NISCH: variants seen among roughly 807,000 people sequenced by gnomAD.
The protein encoded by NISCH is I-1 receptor candidate protein.
NISCH carries 55 observed loss-of-function variants against 138.4 expected under a neutral mutation model. That is an observed-to-expected ratio of 0.40 (90% CI 0.32 to 0.50). NISCH has a LOEUF of 0.50. Ranked by LOEUF, NISCH falls within the 20% of genes least tolerant of loss-of-function variation. The pLI, the probability that NISCH is intolerant of heterozygous loss-of-function variation, is 0.71. For missense variants in NISCH, 1,643 were observed against 2,005.5 expected (o/e 0.82, Z 3.45); for synonymous variants, 860 against 861.5 (o/e 1.00, Z 0.03).
intron 13 of NISCH, chr3:52,481,379 A>T: frequency 1.0e-6 from 1 of 988,448 alleles, no homozygotes; most frequent in Non-Finnish European, 1.2e-6. Flanking sequence ...AGAATTCCTG[A>T]GCGTGGAGCG....
chr3:52,472,168 A>T (rs1208489462), intron 5 of NISCH, 135 bp from the exon 6 acceptor site: 3 of 996,714 alleles, frequency 3.0e-6, no homozygotes, highest in Non-Finnish European at 4.6e-6. Flanking sequence ...GTGTCCCGTT[A>T]AATTAAGTCC....
At chr3:52,491,251 C>G in intron 19 of NISCH, 101 bp from the exon 20 acceptor site, 1 of 1,488,840 alleles carries the variant, frequency 6.7e-7, no homozygotes. Flanking sequence ...TGGCCCTGGC[C>G]TCTGGGCTGA....
At chr3:52,462,792 A>T (rs893602197) in intron 3 of NISCH, among the ~76,000 whole-genome samples, 1 of 151,708 alleles carries the variant, frequency 6.6e-6, no homozygotes, top group African/African-American at 2.4e-5. Context: ...GCCCGCCACC[A>T]CACCCAGCTA....
At chr3:52,488,754 A>G (rs1255747903) in intron 16 of NISCH, 149 bp downstream of exon 16, 1 of 587,496 alleles carries the variant, frequency 1.7e-6, no homozygotes, top group Non-Finnish European at 2.7e-6. Flanking sequence ...GCCTCCCTCT[A>G]CATCACCACC....
chr3:52,490,593 G>A (rs1707536406), intron 18 of NISCH, 112 bp from the exon 19 acceptor site: 12 of 1,444,936 alleles, frequency 8.3e-6, no homozygotes, highest in Admixed American at 5.3e-5. Context: ...GGCTTTGCAC[G>A]GGTGGAAGCC....
chr3:52,482,511 G>C lies in NISCH; in HGVS notation c.1529-2002G>C, dbSNP rs1707303660. ...TCGCATGCCAGCTTCCTAGCTGTGG[G>C]ACCTCAAGCAACTTGTAGCCCCTCT... On this transcript the variant is annotated intron_variant, in intron 13 of 20. Transcript: ENST00000345716. Among the ~76,000 whole-genome samples, 4 of 152,340 alleles carry C rather than the reference G, an allele frequency of 2.6e-5. No individual in the cohort carries two copies. The South Asian group carries it at 8.3e-4, about 32-fold the overall frequency.
intron 5 of NISCH, 116 bp from the exon 6 acceptor site, chr3:52,472,187 G>A (rs980488794): frequency 1.8e-6 from 2 of 1,097,200 alleles, no homozygotes; most frequent in African/African-American, 1.5e-5. Context: ...CCTGGCCTGA[G>A]CCTGCTTTGT....
intron 13 of NISCH, chr3:52,480,759 A>G: frequency 4.9e-6 from 7 of 1,437,230 alleles, no homozygotes; most frequent in Non-Finnish European, 5.5e-6. Context: ...CCAGCCCCAG[A>G]ACACCATGTT....
In NISCH at chr3:52,492,195, G is replaced by A; in HGVS notation, c.4228G>A (p.Gly1410Ser). The change falls in exon 21 of 21, where the codon GGC becomes AGC. Residue 1410 changes from glycine to serine, a missense_variant. Gly to Ser is a moderately conservative substitution (Grantham distance 56, BLOSUM62 0). Coordinates refer to ENST00000345716, the MANE Select transcript of NISCH (RefSeq NM_007184.4). ...GAGAGACAGGTACCGGCTGGACGAT[G>A]GCCGCCGCGTCCGGGACCTGGACCG... is the stretch of plus-strand genomic sequence containing the variant. ...PQRDRYRLDD[G>S]RRVRDLDRVL... 6.2e-7 allele frequency: 1 copy of A among 1,613,106 alleles called. No homozygotes were observed. The highest frequency in any genetic ancestry group is 8.5e-7 in the Non-Finnish European group (1 of 1,180,044).
Position 52,492,593 on chromosome 3 carries a change from C to A in NISCH, c.*111C>A. ...TCCTCCCTTTGGTACCTTAATTTGA[C>A]TGTCCTCGCAGAGAATGTGAACATG... On this transcript the variant is annotated 3_prime_UTR_variant, in exon 21 of 21. Coordinates refer to ENST00000345716, the MANE Select transcript of NISCH (RefSeq NM_007184.4). The A allele has an allele frequency of 7.8e-7, 1 of 1,280,836 alleles. No homozygotes were observed. Among genetic ancestry groups the A allele is most frequent in the Non-Finnish European group, 1.0e-6 (1 of 956,948 alleles). 79.3% of individuals were successfully genotyped at this position (1,280,836 alleles called of 1,614,324 possible).
rs1053072753 is a variant in NISCH at position 52,455,639 on chromosome 3, A to G, written c.-3A>G. 4.5e-6 allele frequency: 6 copies of G among 1,336,534 alleles called. No individual in the cohort carries two copies. The highest frequency in any genetic ancestry group is 2.4e-5 in the South Asian group (1 of 40,882). The allele number at this position is 1,336,534 out of a possible 1,614,324, so 82.8% of individuals were successfully genotyped here. A position where few individuals can be genotyped will look rare whatever the true frequency, so the allele number is the denominator to read the frequency against. On this transcript the variant is annotated 5_prime_UTR_variant, in exon 1 of 21. Transcript: ENST00000345716. ...GGGCGGCGGTGGCGGCGGAGACCCG[A>G]ACATGGCGACCGCGCGCACCTTCGG...
rs144846696 is a variant in NISCH at position 52,473,914 on chromosome 3, G to A, written c.765+85G>A. 3.1e-4 allele frequency: 265 copies of A among 844,784 alleles called. No homozygotes were observed. In the East Asian group the frequency reaches 7.1e-3, roughly 23 times the overall value. 52.3% of individuals were successfully genotyped at this position (844,784 alleles called of 1,614,324 possible). A position where few individuals can be genotyped will look rare whatever the true frequency, so the allele number is the denominator to read the frequency against. On this transcript the variant is annotated intron_variant, in intron 7 of 20. Coordinates refer to ENST00000345716, the MANE Select transcript of NISCH (RefSeq NM_007184.4). ...GTCTCCACCACTAAGGATGGGTGAG[G>A]ACACTGCTATGTCTATCAGTATTCA...
chr3:52,473,815 G>T lies in NISCH; in HGVS notation c.751G>T (p.Ala251Ser), dbSNP rs1420240030. The T allele has an allele frequency of 2.5e-6, 4 of 1,607,638 alleles. No homozygotes were observed. The highest frequency in any genetic ancestry group is 3.4e-6 in the Non-Finnish European group (4 of 1,175,228). Residue 251 changes from alanine (A) to serine (S), a missense_variant, in exon 7 of 21, where the codon GCA becomes TCA. Coordinates refer to ENST00000345716, the MANE Select transcript of NISCH (RefSeq NM_007184.4). ...TLATLSVRFS[A>S]TSMKEVLVPE... ...AGCCACGCTGAGTGTCCGCTTCTCA[G>T]CAACCTCGATGAAGGTAAGCTTCAC...
rs752892409 is a variant in NISCH at position 52,487,209 on chromosome 3, G to A, written c.1717G>A (p.Glu573Lys). ...CTCCCTGCACAGCCCAGAACATGCC[G>A]AGCCGGAGGTCCAGGTGGTGCCGGG... ...AVGGASPEHA[E>K]PEVQVVPGSG... Residue 573 changes from glutamate (E) to lysine (K), a missense_variant, in exon 16 of 21, where the codon GAG becomes AAG. Glu to Lys is a moderately conservative substitution (Grantham distance 56, BLOSUM62 1). Coordinates refer to ENST00000345716, the MANE Select transcript of NISCH (RefSeq NM_007184.4). The surrounding 1 kb of genome is among the most constrained non-coding windows in gnomAD (Gnocchi z 9.1). 27 of 1,613,606 alleles carry A rather than the reference G, an allele frequency of 1.7e-5. No homozygotes were observed. The highest frequency in any genetic ancestry group is 3.3e-4 in the Middle Eastern group (2 of 6,078).
At chr3:52,482,201 CA>C (rs1190692446) in intron 13 of NISCH, among the ~76,000 whole-genome samples, 1 of 152,170 alleles carries the variant, frequency 6.6e-6, no homozygotes, top group Admixed American at 6.5e-5. Flanking sequence ...CCTGGATGGA[CA>C]GGGTTTTTTA....
chr3:52,482,207 T>A (rs1204481518), intron 13 of NISCH, among the ~76,000 whole-genome samples: 1 of 152,080 alleles, frequency 6.6e-6, no homozygotes, highest in Non-Finnish European at 1.5e-5. Flanking sequence ...TGGACAGGGT[T>A]TTTTAGCGCG....
At chr3:52,459,144 G>A (rs547472213) in intron 3 of NISCH, among the ~76,000 whole-genome samples, 1 of 152,318 alleles carries the variant, frequency 6.6e-6, no homozygotes, top group East Asian at 1.9e-4. Context: ...GGATGAGGCT[G>A]GATTAGAAAT....
At chr3:52,469,733 G>A (rs1706887163) in intron 3 of NISCH, among the ~76,000 whole-genome samples, 1 of 152,068 alleles carries the variant, frequency 6.6e-6, no homozygotes, top group Admixed American at 6.6e-5. Context: ...TGGCCAACAT[G>A]GTGAAACCCT....
At position 52,477,625 on chromosome 3, in the gene NISCH, G is replaced by T. The variant is rs1352563685; in HGVS notation, c.970G>T (p.Val324Phe). The stretch of plus-strand genomic sequence containing the variant: ...GGACCTGAGTCACAATGGATTGCTG[G>T]TTGTGGACAATCTGCAGGTAGTGCC... ...FLDLSHNGLL[V>F]VDNLQHLYNL... is the part of the protein sequence containing the mutation. The change falls in exon 9 of 21, where the codon GTT becomes TTT. Residue 324 changes from valine (V) to phenylalanine (F), a missense_variant. Coordinates refer to ENST00000345716, the MANE Select transcript of NISCH (RefSeq NM_007184.4). 1 of 1,613,850 alleles carries T rather than the reference G, an allele frequency of 6.2e-7. No homozygotes were observed. Among genetic ancestry groups the T allele is most frequent in the Admixed American group, 1.7e-5 (1 of 60,030 alleles).
Sources: gnomAD v4.1 joint callset for allele counts (sites outside exome capture counted in the v4.1 genomes callset) on GRCh38, gnomAD v4.1.1 for gene constraint, Gnocchi (gnomAD v3.1) non-coding constraint, MANE v1.5 for transcripts, NCBI Gene and HGNC (gene_info 2026-07-23, HGNC 2026-07-21) for gene names.